The following TPR variants were observed in gnomAD, a reference collection of about 807,000 sequenced individuals.
The protein encoded by TPR is nucleoprotein TPR.
Under a neutral mutation model 316.1 loss-of-function variants are expected in TPR, and 51 were observed. The observed-to-expected ratio is 0.16, with a 90% CI of 0.13 to 0.20. TPR has a LOEUF of 0.20. Ranked by LOEUF, TPR falls within the 10% of genes least tolerant of loss-of-function variation. The pLI, the probability that TPR is intolerant of heterozygous loss-of-function variation, is 1.00. For synonymous variants in TPR, 981 were observed against 914.7 expected, an observed-to-expected ratio of 1.07 and a Z score of -1.31; for missense variants, 2,272 against 2,754.8, an observed-to-expected ratio of 0.82 and a Z score of 3.92.
intron 39 of TPR, among the ~76,000 whole-genome samples, chr1:186,330,997 C>A (rs1658146435): frequency 6.6e-6 from 1 of 152,078 alleles, no homozygotes; most frequent in Non-Finnish European, 1.5e-5. Flanking sequence ...AGGAATGACA[C>A]CTCATGCTTT....
chr1:186,343,057 G>T, intron 27 of TPR: 1 of 307,074 alleles, frequency 3.3e-6, no homozygotes, highest in African/African-American at 2.1e-5. Flanking sequence ...TATTACAGAT[G>T]AAGAAACTAA....
intron 49 of TPR, among the ~76,000 whole-genome samples, chr1:186,317,142 C>A (rs1057163657): frequency 1.3e-5 from 2 of 152,196 alleles, no homozygotes; most frequent in Non-Finnish European, 2.9e-5. Context: ...TAGCCTCCCT[C>A]CCAGTATACC....
intron 42 of TPR, among the ~76,000 whole-genome samples, chr1:186,324,169 G>T (rs1657850183): frequency 6.6e-6 from 1 of 152,036 alleles, no homozygotes; most frequent in South Asian, 2.1e-4. Flanking sequence ...TTTTTCTAAA[G>T]ATTTCAGATA....
intron 39 of TPR, among the ~76,000 whole-genome samples, chr1:186,330,695 G>C (rs1322747855): frequency 6.6e-6 from 1 of 151,922 alleles, no homozygotes; most frequent in African/African-American, 2.4e-5. Context: ...GAACACCTTT[G>C]GTCCACGCTG....
intron 42 of TPR, chr1:186,325,547 C>T: frequency 2.4e-6 from 1 of 410,818 alleles, no homozygotes; most frequent in Non-Finnish European, 4.3e-6. Flanking sequence ...TTGCATCTTA[C>T]AGCAGCCCAA....
chr1:186,374,212 TC>T (rs2101997184), intron 1 of TPR, among the ~76,000 whole-genome samples: 1 of 152,278 alleles, frequency 6.6e-6, no homozygotes, highest in East Asian at 1.9e-4. Flanking sequence ...ATGACTATAT[TC>T]TTCATATTTT....
At chr1:186,326,356 G>A in intron 40 of TPR, 121 bp from the exon 41 acceptor site, 1 of 1,453,670 alleles carries the variant, frequency 6.9e-7, no homozygotes, top group Non-Finnish European at 9.2e-7. Context: ...GAATTGTCCT[G>A]AGAGTTGTAT....
intron 34 of TPR, 30 bp downstream of exon 34, chr1:186,335,308 T>G: frequency 6.2e-7 from 1 of 1,606,450 alleles, no homozygotes; most frequent in South Asian, 1.1e-5. Flanking sequence ...AGAAAAACAA[T>G]TTGTTACTTA....
At chr1:186,320,466 T>G in intron 45 of TPR, 48 bp from the exon 46 acceptor site, 1 of 1,514,530 alleles carries the variant, frequency 6.6e-7, no homozygotes, top group Non-Finnish European at 9.0e-7. Context: ...GTTAACCTAT[T>G]TAAACCACAA....
At chr1:186,356,137 T>C in intron 15 of TPR, 149 bp downstream of exon 15, 1 of 677,460 alleles carries the variant, frequency 1.5e-6, no homozygotes, top group South Asian at 2.8e-5. Context: ...AATGGTATGT[T>C]TTACAGTTGA....
In TPR at chr1:186,355,416, G is replaced by A. The variant is rs1437392407; in HGVS notation, c.2165C>T (p.Ser722Phe). 3.7e-6 allele frequency: 6 copies of A among 1,608,756 alleles called. No homozygotes were observed. In the Admixed American group the frequency reaches 8.5e-5, roughly 23 times the overall value. Residue 722 changes from serine to phenylalanine, a missense_variant, in exon 17 of 51, where the codon TCT (serine) becomes TTT (phenylalanine). By Grantham distance (155) the Ser-to-Phe change is radical. Coordinates refer to ENST00000367478, the MANE Select transcript of TPR (RefSeq NM_003292.3). ...TKISTQLDFA[S>F]KRYEMLQDNV... Reference sequence around the variant, plus strand: ...GAAACAAAAGAAAACTTACCGTTTAGAAGCAAAATCTAGCTGGGTAGAAAT... The same window carrying A: ...GAAACAAAAGAAAACTTACCGTTTAAAAGCAAAATCTAGCTGGGTAGAAAT...
intron 11 of TPR, 111 bp downstream of exon 11, chr1:186,360,162 A>G (rs1659141166): frequency 1.5e-6 from 2 of 1,355,272 alleles, no homozygotes; most frequent in South Asian, 1.3e-5. Context: ...AGAATGATCC[A>G]CTAATTATAA....
chr1:186,360,076 T>C, intron 11 of TPR, 80 bp from the exon 12 acceptor site: 1 of 1,458,250 alleles, frequency 6.9e-7, no homozygotes, highest in Non-Finnish European at 9.4e-7. Context: ...TAATAAACAT[T>C]CTTTAACACT....
chr1:186,362,454 G>T, intron 6 of TPR, 74 bp from the exon 7 acceptor site: 1 of 1,206,916 alleles, frequency 8.3e-7, no homozygotes, highest in Non-Finnish European at 1.2e-6. Flanking sequence ...GGTTTATGCT[G>T]CTAAGGAAAA....
At position 186,375,152 on chromosome 1, in the gene TPR, C is replaced by A. The variant is rs1340263296; in HGVS notation, c.-124G>T. On this transcript the variant is annotated 5_prime_UTR_variant, in exon 1 of 51. Coordinates refer to ENST00000367478, the MANE Select transcript of TPR (RefSeq NM_003292.3). ...CTATCACCTCGCTCGGTGGCTCGCG[C>A]GCGCCCGCCCGCCGGAGACTCCCGC... 4.5e-6 allele frequency: 7 copies of A among 1,544,410 alleles called. No individual in the cohort carries two copies. The highest frequency in any genetic ancestry group is 1.2e-5 in the South Asian group (1 of 84,024).
Position 186,320,307 on chromosome 1 carries a change from T to C in TPR, c.6568+5A>G, listed in dbSNP as rs756910582. The C allele has an allele frequency of 6.2e-7, 1 of 1,605,526 alleles. No individual in the cohort carries two copies. Among genetic ancestry groups the C allele is most frequent in the Non-Finnish European group, 8.5e-7 (1 of 1,175,290 alleles). On this transcript the variant is annotated splice_donor_5th_base_variant and intron_variant, in intron 46 of 50. Transcript: ENST00000367478. ...TTCAGGGGATCTAAAGGTTTAACTATTTACCTCCTTGAGAAGCAAGCTGGC... is the reference window on the plus strand; with the variant it reads ...TTCAGGGGATCTAAAGGTTTAACTACTTACCTCCTTGAGAAGCAAGCTGGC...
chr1:186,372,633 C>T (rs1219704710), intron 2 of TPR, among the ~76,000 whole-genome samples: 1 of 152,172 alleles, frequency 6.6e-6, no homozygotes, highest in African/African-American at 2.4e-5. Flanking sequence ...AAGCAGTCTA[C>T]AGCCAGACCA....
At chr1:186,335,284 A>G in intron 34 of TPR, 54 bp downstream of exon 34, 1 of 1,595,908 alleles carries the variant, frequency 6.3e-7, no homozygotes, top group South Asian at 1.1e-5. Flanking sequence ...AGCACTTTCA[A>G]GTAAAATGTA....
rs1657372777 is a variant in TPR at position 186,312,797 on chromosome 1, T to C, written c.*1174A>G. 1 of 1,612,554 alleles carries C rather than the reference T, an allele frequency of 6.2e-7. No individual in the cohort carries two copies. Reference sequence around the variant, plus strand: ...TCCTTCATAATGAAGTTAAAGTGAGTATACTGTGGAGAGGACTTCCAAATG... The same window carrying C: ...TCCTTCATAATGAAGTTAAAGTGAGCATACTGTGGAGAGGACTTCCAAATG... On this transcript the variant is annotated 3_prime_UTR_variant, in exon 51 of 51. Coordinates refer to ENST00000367478, the MANE Select transcript of TPR (RefSeq NM_003292.3).
Sources: gnomAD v4.1 joint callset for allele counts (sites outside exome capture counted in the v4.1 genomes callset) on GRCh38, gnomAD v4.1.1 for gene constraint, MANE v1.5 for transcripts, NCBI Gene and HGNC (gene_info 2026-07-23, HGNC 2026-07-21) for gene names.